The following BAIAP2L1 variants were observed in gnomAD, a reference collection of about 807,000 sequenced individuals.
BAIAP2L1 encodes the protein BAR/IMD domain containing adaptor protein 2 like 1.
In BAIAP2L1, 35 loss-of-function variants were observed where a neutral mutation model predicts 66.3. The observed-to-expected ratio is 0.53, with a 90% CI of 0.40 to 0.70. The LOEUF is 0.70. BAIAP2L1 is among the 30% of genes least tolerant of loss of function. BAIAP2L1 has a pLI of 0.00. For missense variants in BAIAP2L1, 622 were observed against 656.9 expected, an observed-to-expected ratio of 0.95 and a Z score of 0.58; for synonymous variants, 269 against 248.7, an observed-to-expected ratio of 1.08 and a Z score of -0.77.
chr7:98,302,966 T>G (rs1800489651), intron 12 of BAIAP2L1, among the ~76,000 whole-genome samples: 1 of 152,282 alleles, frequency 6.6e-6, no homozygotes. Context: ...TTATATTTTT[T>G]GTCTACATAG....
chr7:98,315,242 C>T (rs1419566951), intron 7 of BAIAP2L1, among the ~76,000 whole-genome samples: 2 of 152,118 alleles, frequency 1.3e-5, no homozygotes, highest in African/African-American at 4.8e-5. Flanking sequence ...CCACCTCAGC[C>T]TCCTGAGTAG....
intron 1 of BAIAP2L1, among the ~76,000 whole-genome samples, chr7:98,384,581 A>G (rs1802839527): frequency 6.6e-6 from 1 of 152,172 alleles, no homozygotes; most frequent in African/African-American, 2.4e-5. Context: ...TATCGGATCA[A>G]AGTACACTGA....
intron 3 of BAIAP2L1, among the ~76,000 whole-genome samples, chr7:98,346,595 A>ATGCGAC (rs1347168243): frequency 2.0e-5 from 3 of 152,228 alleles, no homozygotes; most frequent in East Asian, 1.9e-4. Flanking sequence ...TAGAGGACTT[A>ATGCGAC]TGCGACTAGA....
At chr7:98,382,409 G>C (rs1005256507) in intron 1 of BAIAP2L1, among the ~76,000 whole-genome samples, 8 of 152,132 alleles carry the variant, frequency 5.3e-5, no homozygotes, top group African/African-American at 1.4e-4. Context: ...ACTTTGGGAA[G>C]CCAAGGCAGG....
rs11413562 is a variant in BAIAP2L1, at chr7:98,384,693, C to CTTTTTTTT, written c.51+16101_51+16108dup. On this transcript the variant is annotated intron_variant, in intron 1 of 13. Transcript: ENST00000005260. ...GACTCTGTGAGACAGATCATTCTACCTTTTTTTTTTTTTTTTTTTTGTGAG... is the reference window on the plus strand; with the variant it reads ...GACTCTGTGAGACAGATCATTCTACCTTTTTTTTTTTTTTTTTTTTTTTTTTTTGTGAG... 3.4e-5 allele frequency among the ~76,000 whole-genome samples: 4 copies of CTTTTTTTT among 118,798 alleles called. 1 individual carries two copies. Among genetic ancestry groups the CTTTTTTTT allele is most frequent in the Non-Finnish European group, 3.3e-5 (2 of 61,156 alleles). The allele number at this position is 118,798 out of a possible 152,430, so 77.9% of individuals were successfully genotyped here. A position where few individuals can be genotyped will look rare whatever the true frequency, so the allele number is the denominator to read the frequency against.
chr7:98,399,415 C>T (rs1290396146), intron 1 of BAIAP2L1, among the ~76,000 whole-genome samples: 2 of 152,270 alleles, frequency 1.3e-5, no homozygotes, highest in East Asian at 3.9e-4. Flanking sequence ...TTAATAGACT[C>T]CTCTGATTTT....
chr7:98,352,961 A>T (rs926276221), intron 3 of BAIAP2L1, among the ~76,000 whole-genome samples: 3 of 151,906 alleles, frequency 2.0e-5, no homozygotes, highest in Non-Finnish European at 4.4e-5. Context: ...CACCAATAGG[A>T]TGTTTCTTTT....
At chr7:98,344,872 G>T (rs1221466782) in intron 3 of BAIAP2L1, among the ~76,000 whole-genome samples, 1 of 152,200 alleles carries the variant, frequency 6.6e-6, no homozygotes, top group African/African-American at 2.4e-5. Context: ...GGAGGCGGAG[G>T]TTGCAGTGAG....
intron 3 of BAIAP2L1, among the ~76,000 whole-genome samples, chr7:98,350,519 C>T (rs1428024017): frequency 6.6e-6 from 1 of 151,980 alleles, no homozygotes; most frequent in African/African-American, 2.4e-5. Context: ...ATTAGCTGGG[C>T]GTGGTGGTGT....
intron 5 of BAIAP2L1, among the ~76,000 whole-genome samples, chr7:98,319,454 G>A (rs1247630560): frequency 6.6e-5 from 10 of 152,140 alleles, no homozygotes; most frequent in Non-Finnish European, 1.0e-4. Context: ...CAGCTGCAGC[G>A]ACAGAAGCAC....
chr7:98,306,637 G>A (rs1800668277), intron 10 of BAIAP2L1, 121 bp from the exon 11 acceptor site: 2 of 1,418,504 alleles, frequency 1.4e-6, no homozygotes, highest in Admixed American at 2.2e-5. Flanking sequence ...GCCCATGTGT[G>A]GAGGAAATGA....
intron 3 of BAIAP2L1, among the ~76,000 whole-genome samples, chr7:98,335,152 C>CAAA (rs59557441): frequency 1.1e-4 from 6 of 54,706 alleles, no homozygotes; most frequent in East Asian, 1.4e-3. Context: ...GACTCCATCT[C>CAAA]AAAAAAAAAA....
In BAIAP2L1 at chr7:98,315,471, A is replaced by G. The variant is rs777378217; in HGVS notation, c.628T>C (p.Tyr210His). 7 of 1,483,442 alleles carry G rather than the reference A, an allele frequency of 4.7e-6. No homozygotes were observed. The Middle Eastern group carries it at 5.5e-4, about 116-fold the overall frequency. The allele number at this position is 1,483,442 out of a possible 1,614,324, so 91.9% of individuals were successfully genotyped here. A position where few individuals can be genotyped will look rare whatever the true frequency, so the allele number is the denominator to read the frequency against. ...HCGFANHIHY[Y>H]HLQSAELLNS... is the part of the protein sequence containing the mutation. Reference sequence around the variant, plus strand: ...GCCACCACACCCACCTGTAAGTGATAATAATGTATGTGGTTTGCAAAGCCA... The same window carrying G: ...GCCACCACACCCACCTGTAAGTGATGATAATGTATGTGGTTTGCAAAGCCA... The change falls in exon 7 of 14, where the codon TAT (tyrosine) becomes CAT (histidine). Residue 210 changes from tyrosine (Y) to histidine (H), a missense_variant. Coordinates refer to ENST00000005260, the MANE Select transcript of BAIAP2L1 (RefSeq NM_018842.5).
chr7:98,384,792 A>G (rs1399646930), intron 1 of BAIAP2L1, among the ~76,000 whole-genome samples: 1 of 139,204 alleles, frequency 7.2e-6, no homozygotes, highest in Non-Finnish European at 1.5e-5. Context: ...TCGGCCTCCC[A>G]GGTTCAAGCG....
chr7:98,370,684 G>C (rs1802491824), intron 1 of BAIAP2L1, among the ~76,000 whole-genome samples: 1 of 150,984 alleles, frequency 6.6e-6, no homozygotes, highest in South Asian at 2.1e-4. Context: ...TGTATTTTTA[G>C]TAGAGACGGG....
At chr7:98,336,682 G>C (rs887633965) in intron 3 of BAIAP2L1, among the ~76,000 whole-genome samples, 2 of 152,236 alleles carry the variant, frequency 1.3e-5, no homozygotes, top group African/African-American at 4.8e-5. Context: ...TCCAGTTTTT[G>C]AAGACTGCTT....
intron 1 of BAIAP2L1, among the ~76,000 whole-genome samples, chr7:98,368,104 G>A (rs1292761769): frequency 2.0e-5 from 3 of 152,058 alleles, no homozygotes; most frequent in Non-Finnish European, 2.9e-5. Flanking sequence ...CTATGATTCT[G>A]TCATTGTGAG....
intron 3 of BAIAP2L1, among the ~76,000 whole-genome samples, chr7:98,335,999 C>G (rs1408490837): frequency 3.3e-5 from 5 of 152,172 alleles, no homozygotes; most frequent in Admixed American, 3.3e-4. Context: ...TTTGCAGTAG[C>G]ATGGATGCAG....
chr7:98,297,322 C>T (rs1036489338), intron 12 of BAIAP2L1, among the ~76,000 whole-genome samples: 3 of 152,222 alleles, frequency 2.0e-5, no homozygotes, highest in East Asian at 1.9e-4. Flanking sequence ...CATAGCCATG[C>T]GCCCAGGTTG....
Sources: gnomAD v4.1 joint callset for allele counts (sites outside exome capture counted in the v4.1 genomes callset) on GRCh38, gnomAD v4.1.1 for gene constraint, MANE v1.5 for transcripts, NCBI Gene and HGNC (gene_info 2026-07-23, HGNC 2026-07-21) for gene names.